Variants in DCC observed in about 807,000 individuals in gnomAD.
DCC encodes the protein DCC netrin 1 receptor.
In DCC, 58 loss-of-function variants were observed where a neutral mutation model predicts 172.5. That is an observed-to-expected ratio of 0.34 (90% CI 0.27 to 0.42). The LOEUF is 0.42. Among genes scored for constraint, DCC ranks in the 10% least tolerant of loss-of-function variants. The probability of loss-of-function intolerance (pLI) is 1.00; values close to 1 mark genes in which losing one functional copy is unlikely to be tolerated. For synonymous variants in DCC, 709 were observed against 644.5 expected (o/e 1.10, Z -1.52); for missense variants, 1,740 against 1,791.0 (o/e 0.97, Z 0.51).
At chr18:52,508,439 G>A (rs62081287) in intron 1 of DCC, among the ~76,000 whole-genome samples, 8,958 of 152,156 alleles carry the variant, frequency 0.059, 335 homozygotes, top group Middle Eastern at 0.11. Context: ...AGATTACACA[G>A]CATGCCTTTA....
chr18:53,035,164 G>C (rs945548953), intron 5 of DCC, among the ~76,000 whole-genome samples: 2 of 151,470 alleles, frequency 1.3e-5, no homozygotes, highest in Admixed American at 1.3e-4. Context: ...ATTTATCTGT[G>C]TGTGTGTGTG....
chr18:53,108,270 C>T (rs2043279682), intron 7 of DCC, among the ~76,000 whole-genome samples: 1 of 151,758 alleles, frequency 6.6e-6, no homozygotes, highest in Non-Finnish European at 1.5e-5. Context: ...CCCAAAGAAA[C>T]TCCTTCAAGA....
intron 12 of DCC, among the ~76,000 whole-genome samples, chr18:53,241,422 G>T (rs2056291992): frequency 6.6e-6 from 1 of 152,116 alleles, no homozygotes; most frequent in Admixed American, 6.6e-5. Flanking sequence ...ACCTGTGGAG[G>T]GTCAAGTGGA....
chr18:53,255,963 GTGA>G (rs758602302), intron 12 of DCC, among the ~76,000 whole-genome samples: 9 of 152,316 alleles, frequency 5.9e-5, no homozygotes, highest in Non-Finnish European at 8.8e-5. Context: ...CTGATAGCCA[GTGA>G]TGATGAGCAT....
chr18:52,529,449 C>T (rs1244377015), intron 1 of DCC, among the ~76,000 whole-genome samples: 3 of 152,162 alleles, frequency 2.0e-5, no homozygotes, highest in Admixed American at 2.0e-4. Flanking sequence ...TGCCACCACG[C>T]CCAGCTAATT....
At chr18:52,919,668 C>T (rs2040090963) in intron 3 of DCC, among the ~76,000 whole-genome samples, 1 of 151,264 alleles carries the variant, frequency 6.6e-6, no homozygotes, top group Non-Finnish European at 1.5e-5. Context: ...TCCAGTGATG[C>T]CTGGACCACT....
chr18:53,166,505 T>A (rs1598866761), intron 8 of DCC, among the ~76,000 whole-genome samples: 1 of 152,128 alleles, frequency 6.6e-6, no homozygotes, highest in Non-Finnish European at 1.5e-5. Context: ...GTCACATTTA[T>A]CATGTGGATA....
intron 13 of DCC, among the ~76,000 whole-genome samples, chr18:53,306,742 G>A (rs1361909319): frequency 6.6e-6 from 1 of 152,172 alleles, no homozygotes; most frequent in Admixed American, 6.5e-5. Flanking sequence ...CTTGGCCTAG[G>A]GTATGATCAG....
At position 52,497,295 on chromosome 18, in the gene DCC, A is replaced by ATATATGTG. The variant is rs1568198534; in HGVS notation, c.91+156422_91+156423insGTGTATAT. Among the ~76,000 whole-genome samples, 13 of 54,998 alleles carry ATATATGTG rather than the reference A, an allele frequency of 2.4e-4. 2 individuals carry two copies. Among genetic ancestry groups the ATATATGTG allele is most frequent in the Non-Finnish European group, 5.2e-4 (13 of 24,774 alleles). 36.1% of individuals were successfully genotyped at this position (54,998 alleles called of 152,430 possible). On this transcript the variant is annotated intron_variant, in intron 1 of 28. Coordinates refer to ENST00000442544, the MANE Select transcript of DCC (RefSeq NM_005215.4). The stretch of plus-strand genomic sequence containing the variant: ...AAAAAAAAAAAATATATATATATAT[A>ATATATGTG]TATATATATATATATATATACACAC...
chr18:53,249,443 G>C (rs993304864), intron 12 of DCC, among the ~76,000 whole-genome samples: 2 of 151,734 alleles, frequency 1.3e-5, no homozygotes, highest in Admixed American at 6.6e-5. Flanking sequence ...GACAGATCAA[G>C]GGCTATGTCT....
At chr18:53,255,973 G>A (rs181884155) in intron 12 of DCC, among the ~76,000 whole-genome samples, 231 of 152,270 alleles carry the variant, frequency 1.5e-3, no homozygotes, top group Middle Eastern at 6.8e-3. Flanking sequence ...GTGATGATGA[G>A]CATTTTTTCA....
At chr18:53,182,180 A>G (rs921153889) in intron 9 of DCC, among the ~76,000 whole-genome samples, 3 of 152,246 alleles carry the variant, frequency 2.0e-5, no homozygotes, top group Admixed American at 2.0e-4. Context: ...TGTCACATAT[A>G]AATTCTATTC....
chr18:53,455,288 G>T lies in DCC; in HGVS notation c.3393-3944G>T, dbSNP rs774534012. Reference sequence around the variant, plus strand: ...AAAGTTGGGAACAACTTTAGCAGACGATGCCTGAGTCCGTAGTGGAAATTT... The same window carrying T: ...AAAGTTGGGAACAACTTTAGCAGACTATGCCTGAGTCCGTAGTGGAAATTT... On this transcript the variant is annotated intron_variant, in intron 23 of 28. Transcript: ENST00000442544. Among the ~76,000 whole-genome samples, 61 of 152,120 alleles carry T rather than the reference G, an allele frequency of 4.0e-4. 1 individual carries two copies. Among genetic ancestry groups the T allele is most frequent in the Non-Finnish European group, 2.8e-4 (19 of 68,016 alleles).
At chr18:53,402,071 T>G (rs1010360) in intron 18 of DCC, among the ~76,000 whole-genome samples, 36,394 of 152,058 alleles carry the variant, frequency 0.24, 4,844 homozygotes, top group East Asian at 0.41. Flanking sequence ...TAAGATATTT[T>G]GACCCCAGTT....
intron 15 of DCC, among the ~76,000 whole-genome samples, chr18:53,344,021 T>A (rs8091083): frequency 0.4 from 61,470 of 151,796 alleles, 13,812 homozygotes; most frequent in Non-Finnish European, 0.53. Flanking sequence ...TGTCTTTTTT[T>A]TGTGATATCT....
chr18:53,423,842 G>A (rs1479280171), intron 21 of DCC, among the ~76,000 whole-genome samples: 1 of 152,118 alleles, frequency 6.6e-6, no homozygotes, highest in Non-Finnish European at 1.5e-5. Flanking sequence ...TGTCTGATAA[G>A]TGTTTGTTTA....
chr18:53,190,297 CAGA>C (rs1382791275), intron 9 of DCC, among the ~76,000 whole-genome samples: 1 of 152,106 alleles, frequency 6.6e-6, no homozygotes, highest in Admixed American at 6.6e-5. Context: ...CTTTCAACTT[CAGA>C]AGAATAGCAA....
intron 12 of DCC, among the ~76,000 whole-genome samples, chr18:53,301,705 A>G (rs958550913): frequency 5.9e-5 from 9 of 151,690 alleles, no homozygotes; most frequent in African/African-American, 2.2e-4. Context: ...TCATTTGTAG[A>G]TATCATCTAT....
intron 1 of DCC, among the ~76,000 whole-genome samples, chr18:52,741,089 A>T (rs1430515387): frequency 6.6e-6 from 1 of 152,190 alleles, no homozygotes; most frequent in Non-Finnish European, 1.5e-5. Flanking sequence ...TTCTTTTGCA[A>T]TTGAAAGTGC....
Sources: allele counts gnomAD v4.1 joint callset (sites outside exome capture counted in the v4.1 genomes callset), GRCh38; gene constraint gnomAD v4.1.1; transcripts MANE v1.5; gene names NCBI Gene and HGNC (gene_info 2026-07-23, HGNC 2026-07-21).